PFN2: variants seen among roughly 807,000 people sequenced by gnomAD.
PFN2 encodes the protein profilin 2.
A neutral mutation model predicts 15.3 loss-of-function variants in PFN2; 8 were observed. The ratio of observed to expected loss-of-function variants is 0.52; its 90% confidence interval spans 0.31 to 0.95. The LOEUF (loss-of-function observed/expected upper bound fraction) is 0.95, where lower values mean the gene tolerates loss of function less well. PFN2 is among the 40% of genes least tolerant of loss of function. PFN2 has a pLI of 0.05. For missense variants in PFN2, 111 were observed against 182.3 expected (o/e 0.61, Z 2.25); for synonymous variants, 79 against 67.9 (o/e 1.16, Z -0.81).
chr3:149,969,747 A>C (rs563656012), intron 1 of PFN2, among the ~76,000 whole-genome samples: 11 of 152,196 alleles, frequency 7.2e-5, no homozygotes, highest in Admixed American at 1.3e-4. Flanking sequence ...GAAACAGGCA[A>C]AACAATAAGC....
At position 149,965,323 on chromosome 3, in the gene PFN2, A is replaced by G. The variant is rs1722654039; in HGVS notation, c.*1166T>C. On this transcript the variant is annotated 3_prime_UTR_variant, in exon 3 of 3. Coordinates refer to ENST00000239940, the MANE Select transcript of PFN2 (RefSeq NM_053024.4). ...GTCCTATGAAGAACAAACTGGACAC[A>G]CTCCAGATGGTTATGTTGGGATACC... 1.3e-6 allele frequency: 2 copies of G among 1,528,742 alleles called. No individual in the cohort carries two copies. Among genetic ancestry groups the G allele is most frequent in the South Asian group, 2.4e-5 (2 of 82,452 alleles). 94.7% of individuals were successfully genotyped at this position (1,528,742 alleles called of 1,614,324 possible).
rs1281251755 is a variant in PFN2, at chr3:149,968,580, ACAC to A, written c.133-33_133-31del. 12 of 1,326,434 alleles carry A rather than the reference ACAC, an allele frequency of 9.0e-6. 1 individual carries two copies. In the South Asian group the frequency reaches 9.6e-5, roughly 11 times the overall value. The allele number at this position is 1,326,434 out of a possible 1,614,324, so 82.2% of individuals were successfully genotyped here. On this transcript the variant is annotated intron_variant, in intron 1 of 2. Coordinates refer to ENST00000239940, the MANE Select transcript of PFN2 (RefSeq NM_053024.4). Reference sequence around the variant, plus strand: ...CCCCCACCAAAAAGAAAAAAAAAAAACACACACACATTAAGTTGTAGTTAACTC... The same window carrying A: ...CCCCCACCAAAAAGAAAAAAAAAAAAACACACATTAAGTTGTAGTTAACTC...
At chr3:149,968,270 G>A in intron 2 of PFN2, 88 bp downstream of exon 2, 1 of 1,231,334 alleles carries the variant, frequency 8.1e-7, no homozygotes, top group East Asian at 2.3e-5. Context: ...AGCCATTATG[G>A]ACTAACTTTT....
rs183074065 is a variant in PFN2, at chr3:149,966,315, G to A, written c.*174C>T. On this transcript the variant is annotated 3_prime_UTR_variant, in exon 3 of 3. Coordinates refer to ENST00000239940, the MANE Select transcript of PFN2 (RefSeq NM_053024.4). ...AAAGTGAACAGAATTATTTTGGGGG[G>A]GGAGGGCAGAAAGAAAGACACCTTT... 1.2e-6 allele frequency: 2 copies of A among 1,605,230 alleles called. No homozygotes were observed. Among genetic ancestry groups the A allele is most frequent in the Non-Finnish European group, 8.5e-7 (1 of 1,176,174 alleles).
At position 149,965,970 on chromosome 3, in the gene PFN2, T is replaced by C; in HGVS notation, c.*519A>G. ...TTCAAGGTATCATGCAAATCATTAT[T>C]GTGCTGCAATTATGTTGCCAGATAA... is the stretch of plus-strand genomic sequence containing the variant. On this transcript the variant is annotated 3_prime_UTR_variant, in exon 3 of 3. Coordinates refer to ENST00000239940, the MANE Select transcript of PFN2 (RefSeq NM_053024.4). The C allele has an allele frequency of 7.3e-7, 1 of 1,376,214 alleles. No individual in the cohort carries two copies. Among genetic ancestry groups the C allele is most frequent in the South Asian group, 1.8e-5 (1 of 55,294 alleles). The allele number at this position is 1,376,214 out of a possible 1,614,324, so 85.3% of individuals were successfully genotyped here. A position where few individuals can be genotyped will look rare whatever the true frequency, so the allele number is the denominator to read the frequency against.
Position 149,966,096 on chromosome 3 carries a change from G to T in PFN2, c.*393C>A. Reference sequence around the variant, plus strand: ...AAAGAAAAATTAGCTACCATCTACAGTTTGGTAGCATTGTGACCATAATTA... The same window carrying T: ...AAAGAAAAATTAGCTACCATCTACATTTTGGTAGCATTGTGACCATAATTA... On this transcript the variant is annotated 3_prime_UTR_variant, in exon 3 of 3. Transcript: ENST00000239940. The T allele has an allele frequency of 6.4e-7, 1 of 1,560,092 alleles. No individual in the cohort carries two copies. Among genetic ancestry groups the T allele is most frequent in the Non-Finnish European group, 8.6e-7 (1 of 1,156,722 alleles).
chr3:149,965,285 C>A lies in PFN2; in HGVS notation c.*1204G>T. 1 of 1,535,052 alleles carries A rather than the reference C, an allele frequency of 6.5e-7. No individual in the cohort carries two copies. The highest frequency in any genetic ancestry group is 8.7e-7 in the Non-Finnish European group (1 of 1,146,404). On this transcript the variant is annotated 3_prime_UTR_variant, in exon 3 of 3. Transcript: ENST00000239940. ...CAACTTCATATAAAAACTCAAGCTG[C>A]AAATAAAAATTGGTCCTATGAAGAA...
chr3:149,966,181 T>G lies in PFN2; in HGVS notation c.*308A>C. The stretch of plus-strand genomic sequence containing the variant: ...GGAGAGGCTGCTTACACATCAGACC[T>G]CCTCAGGTATAAAGCGAGTTCATAT... On this transcript the variant is annotated 3_prime_UTR_variant, in exon 3 of 3. Transcript: ENST00000239940. The G allele has an allele frequency of 1.2e-6, 2 of 1,613,542 alleles. No homozygotes were observed. The highest frequency in any genetic ancestry group is 1.7e-6 in the Non-Finnish European group (2 of 1,179,602).
intron 1 of PFN2, among the ~76,000 whole-genome samples, chr3:149,969,218 A>G (rs887653665): frequency 6.6e-6 from 1 of 152,220 alleles, no homozygotes; most frequent in African/African-American, 2.4e-5. Context: ...GGGCAAACGC[A>G]AAGTGGATTC....
intron 1 of PFN2, among the ~76,000 whole-genome samples, chr3:149,969,064 A>G (rs78000958): frequency 0.012 from 1,780 of 152,330 alleles, 43 homozygotes; most frequent in African/African-American, 0.041. Context: ...TAGAGTAACT[A>G]GAAATATACG....
Position 149,965,038 on chromosome 3 carries a change from C to T in PFN2, c.*1451G>A. On this transcript the variant is annotated 3_prime_UTR_variant, in exon 3 of 3. Transcript: ENST00000239940. ...AACAAAGTGCAGGGAAAGAAATGGA[C>T]AAATCAGCAACAAGATTTGTTTTTA... The T allele has an allele frequency of 3.8e-6, 2 of 532,060 alleles. No homozygotes were observed. The highest frequency in any genetic ancestry group is 6.5e-6 in the Non-Finnish European group (2 of 307,082). 33.0% of individuals were successfully genotyped at this position (532,060 alleles called of 1,614,324 possible).
In PFN2 at chr3:149,966,178, ACCTCC is replaced by A. The variant is rs1402359955; in HGVS notation, c.*306_*310del. 1.9e-6 allele frequency: 3 copies of A among 1,613,290 alleles called. No individual in the cohort carries two copies. The African/African-American group carries it at 4.0e-5, about 22-fold the overall frequency. On this transcript the variant is annotated 3_prime_UTR_variant, in exon 3 of 3. Coordinates refer to ENST00000239940, the MANE Select transcript of PFN2 (RefSeq NM_053024.4). ...TGGGGAGAGGCTGCTTACACATCAG[ACCTCC>A]TCAGGTATAAAGCGAGTTCATATGC...
intron 2 of PFN2, chr3:149,968,039 G>T: frequency 4.3e-6 from 1 of 231,044 alleles, no homozygotes; most frequent in Non-Finnish European, 8.3e-6. Context: ...CAAGTGATTC[G>T]AACAATTTAA....
At position 149,964,958 on chromosome 3, in the gene PFN2, T is replaced by C. The variant is rs1481782131; in HGVS notation, c.*1531A>G. On this transcript the variant is annotated 3_prime_UTR_variant, in exon 3 of 3. Coordinates refer to ENST00000239940, the MANE Select transcript of PFN2 (RefSeq NM_053024.4). Reference sequence around the variant, plus strand: ...CTGTAAACAAGGTGTTTAATAGTTATGGCATTTTTTTAAATGCATATTAAA... The same window carrying C: ...CTGTAAACAAGGTGTTTAATAGTTACGGCATTTTTTTAAATGCATATTAAA... 3 of 401,218 alleles carry C rather than the reference T, an allele frequency of 7.5e-6. No homozygotes were observed. Among genetic ancestry groups the C allele is most frequent in the Non-Finnish European group, 8.8e-6 (2 of 226,208 alleles). The allele number at this position is 401,218 out of a possible 1,614,324, so 24.9% of individuals were successfully genotyped here.
At chr3:149,968,600 A>T (rs998955754) in intron 1 of PFN2, 50 bp from the exon 2 acceptor site, 28 of 1,518,124 alleles carry the variant, frequency 1.8e-5, no homozygotes, top group Non-Finnish European at 2.5e-5. Flanking sequence ...ATTAAGTTGT[A>T]GTTAACTCCT....
intron 1 of PFN2, among the ~76,000 whole-genome samples, chr3:149,970,063 A>AC (rs1034128862): frequency 6.6e-6 from 1 of 152,066 alleles, no homozygotes; most frequent in African/African-American, 2.4e-5. Flanking sequence ...AAAAAAAAAA[A>AC]AACAACCTAT....
Position 149,965,116 on chromosome 3 carries a change from C to T in PFN2, c.*1373G>A. ...ACAATAGAAGCAAATACTAGAATGT[C>T]CCTAAAGTAGTGCCATTCGAAAGAA... On this transcript the variant is annotated 3_prime_UTR_variant, in exon 3 of 3. Coordinates refer to ENST00000239940, the MANE Select transcript of PFN2 (RefSeq NM_053024.4). The T allele has an allele frequency of 1.2e-6, 1 of 826,300 alleles. No individual in the cohort carries two copies. The highest frequency in any genetic ancestry group is 1.8e-6 in the Non-Finnish European group (1 of 546,304). 51.2% of individuals were successfully genotyped at this position (826,300 alleles called of 1,614,324 possible).
chr3:149,970,587 G>C, intron 1 of PFN2, 138 bp downstream of exon 1: 1 of 856,054 alleles, frequency 1.2e-6, no homozygotes. Context: ...CCGCCCGGCA[G>C]CCGCATCCTC....
chr3:149,968,130 G>C (rs1722742255), intron 2 of PFN2: 2 of 442,114 alleles, frequency 4.5e-6, no homozygotes, highest in Non-Finnish European at 8.0e-6. Flanking sequence ...CTGAAAGTGA[G>C]TTCATACGAA....
Sources: gnomAD v4.1 joint callset for allele counts (sites outside exome capture counted in the v4.1 genomes callset) on GRCh38, gnomAD v4.1.1 for gene constraint, MANE v1.5 for transcripts, NCBI Gene and HGNC (gene_info 2026-07-23, HGNC 2026-07-21) for gene names.